The following ROBO1 variants were observed in gnomAD, a reference collection of about 807,000 sequenced individuals.
ROBO1 encodes roundabout guidance receptor 1.
In ROBO1, 149 loss-of-function variants were observed where a neutral mutation model predicts 195.9. The ratio of observed to expected loss-of-function variants is 0.76; its 90% CI spans 0.67 to 0.87. The LOEUF (loss-of-function observed/expected upper bound fraction) is 0.87, where lower values mean the gene tolerates loss of function less well. Among genes scored for constraint, ROBO1 ranks in the 40% least tolerant of loss-of-function variants. The pLI, the probability that ROBO1 is intolerant of heterozygous loss-of-function variation, is 0.00. For missense variants in ROBO1, 1,933 were observed against 2,068.3 expected, an observed-to-expected ratio of 0.93 and a Z score of 1.27; for synonymous variants, 816 against 733.2, an observed-to-expected ratio of 1.11 and a Z score of -1.82.
At chr3:79,331,007 G>A (rs576725067) in intron 2 of ROBO1, among the ~76,000 whole-genome samples, 14 of 152,186 alleles carry the variant, frequency 9.2e-5, no homozygotes, top group Admixed American at 1.3e-4. Context: ...AACAAGAACC[G>A]GACATGTATG....
intron 3 of ROBO1, among the ~76,000 whole-genome samples, chr3:78,958,423 A>C (rs1326147033): frequency 6.6e-6 from 1 of 152,222 alleles, no homozygotes; most frequent in Admixed American, 6.5e-5. Flanking sequence ...TTTATCCATT[A>C]GGCTAACATT....
chr3:79,254,239 A>G (rs2082784869), intron 2 of ROBO1, among the ~76,000 whole-genome samples: 1 of 152,138 alleles, frequency 6.6e-6, no homozygotes, highest in South Asian at 2.1e-4. Flanking sequence ...AACAATATTA[A>G]TTTTTATCGA....
At chr3:79,673,496 G>A (rs1338039254) in intron 1 of ROBO1, among the ~76,000 whole-genome samples, 1 of 152,064 alleles carries the variant, frequency 6.6e-6, no homozygotes, top group Non-Finnish European at 1.5e-5. Context: ...GCCAATATAT[G>A]TTCAATGGGT....
At chr3:78,667,814 G>A in intron 14 of ROBO1, 69 bp downstream of exon 14, 1 of 1,462,110 alleles carries the variant, frequency 6.8e-7, no homozygotes, top group Non-Finnish European at 9.4e-7. Context: ...TAGCACAAGT[G>A]ATTTGTCAGT....
At position 78,996,278 on chromosome 3, in the gene ROBO1, T is replaced by C. The variant is rs2077362436; in HGVS notation, c.173-57351A>G. The stretch of plus-strand genomic sequence containing the variant: ...AGACAGAACTGCTTGAGGCCAGGAG[T>C]TCAAGACAACCCTGGCCAACACACT... On this transcript the variant is annotated intron_variant, in intron 3 of 30. Coordinates refer to ENST00000464233, the MANE Select transcript of ROBO1 (RefSeq NM_002941.4). Among the ~76,000 whole-genome samples the C allele has an allele frequency of 2.7e-5, 4 of 149,710 alleles. No homozygotes were observed. In the South Asian group the frequency reaches 8.5e-4, roughly 32 times the overall value.
At chr3:78,686,554 CAA>C (rs11356574) in intron 9 of ROBO1, among the ~76,000 whole-genome samples, 37,814 of 132,200 alleles carry the variant, frequency 0.29, 4,701 homozygotes, top group African/African-American at 0.35. Context: ...GACTTTGTCT[CAA>C]AAAAAAAAAA....
chr3:79,137,383 T>TA (rs138810238), intron 2 of ROBO1, among the ~76,000 whole-genome samples: 1,558 of 146,570 alleles, frequency 0.011, 20 homozygotes, highest in East Asian at 0.072. Flanking sequence ...CGTTACTAAA[T>TA]AAAAAAAAAA....
intron 14 of ROBO1, among the ~76,000 whole-genome samples, chr3:78,663,998 C>A (rs538472261): frequency 1.3e-5 from 2 of 152,276 alleles, no homozygotes; most frequent in East Asian, 3.9e-4. Flanking sequence ...GATAAACCTA[C>A]CAGTCAGTTC....
chr3:78,769,322 T>C (rs2083307290), intron 4 of ROBO1, among the ~76,000 whole-genome samples: 1 of 152,210 alleles, frequency 6.6e-6, no homozygotes, highest in Admixed American at 6.5e-5. Flanking sequence ...AATGTCCCTC[T>C]TTGTCTCTTT....
intron 2 of ROBO1, among the ~76,000 whole-genome samples, chr3:79,499,950 G>T (rs955293930): frequency 1.3e-5 from 2 of 151,772 alleles, no homozygotes; most frequent in Non-Finnish European, 2.9e-5. Flanking sequence ...GGGATTGCAG[G>T]CGTGTGCCAG....
At chr3:79,505,889 T>C (rs914216929) in intron 2 of ROBO1, among the ~76,000 whole-genome samples, 2 of 152,118 alleles carry the variant, frequency 1.3e-5, no homozygotes, top group Non-Finnish European at 2.9e-5. Context: ...ATGGGTATGA[T>C]AGACATGGGT....
At chr3:78,651,037 T>C (rs1318815342) in intron 19 of ROBO1, among the ~76,000 whole-genome samples, 1 of 152,180 alleles carries the variant, frequency 6.6e-6, no homozygotes, top group Non-Finnish European at 1.5e-5. Flanking sequence ...TAAGGATAAG[T>C]AGCAAAAGTA....
At chr3:78,632,014 A>G (rs1490477711) in intron 24 of ROBO1, among the ~76,000 whole-genome samples, 1 of 152,170 alleles carries the variant, frequency 6.6e-6, no homozygotes, top group African/African-American at 2.4e-5. Context: ...TATTTTTTAA[A>G]CACAAGAGGC....
intron 2 of ROBO1, among the ~76,000 whole-genome samples, chr3:79,500,793 G>C (rs1289507380): frequency 6.6e-6 from 1 of 152,146 alleles, no homozygotes; most frequent in African/African-American, 2.4e-5. Context: ...TTAAATGGGG[G>C]ATAAAGGGCT....
intron 2 of ROBO1, among the ~76,000 whole-genome samples, chr3:79,289,050 G>A (rs1226287812): frequency 6.6e-6 from 1 of 151,320 alleles, no homozygotes; most frequent in Non-Finnish European, 1.5e-5. Flanking sequence ...AAAGGAAAAT[G>A]TAGAACTATC....
intron 1 of ROBO1, among the ~76,000 whole-genome samples, chr3:79,703,135 T>C (rs1362006946): frequency 2.0e-5 from 3 of 151,968 alleles, no homozygotes; most frequent in African/African-American, 7.2e-5. Context: ...TAAATAGTTG[T>C]GCCCTATTAG....
chr3:79,343,836 G>C (rs1253261210), intron 2 of ROBO1, among the ~76,000 whole-genome samples: 1 of 152,056 alleles, frequency 6.6e-6, no homozygotes, highest in African/African-American at 2.4e-5. Context: ...AAAAAGGAGA[G>C]GAGGGTTTTG....
rs1467116623 is a variant in ROBO1, at chr3:78,842,713, T to C, written c.500-95813A>G. ...ATCAGGTAGGCAAAAAAAATAACTT[T>C]TGGTTAGTTTTTTTTTAAAAAATGA... On this transcript the variant is annotated intron_variant, in intron 4 of 30. Coordinates refer to ENST00000464233, the MANE Select transcript of ROBO1 (RefSeq NM_002941.4). 2.6e-5 allele frequency among the ~76,000 whole-genome samples: 4 copies of C among 151,578 alleles called. No homozygotes were observed. In the East Asian group the frequency reaches 5.8e-4, roughly 22 times the overall value.
intron 19 of ROBO1, 113 bp from the exon 20 acceptor site, chr3:78,647,768 T>G: frequency 1.1e-6 from 1 of 911,584 alleles, no homozygotes; most frequent in Non-Finnish European, 1.8e-6. Flanking sequence ...TGTAAATAAC[T>G]AAGCCAGTAG....
Sources: gnomAD v4.1 joint callset for allele counts (sites outside exome capture counted in the v4.1 genomes callset) on GRCh38, gnomAD v4.1.1 for gene constraint, MANE v1.5 for transcripts, NCBI Gene and HGNC (gene_info 2026-07-23, HGNC 2026-07-21) for gene names.